IPCEF1: variants seen among roughly 807,000 people sequenced by gnomAD.
IPCEF1 encodes interaction protein for cytohesin exchange factors 1, also known as interactor protein for cytohesin exchange factors 1.
Under a neutral mutation model 50.9 loss-of-function variants are expected in IPCEF1, and 31 were observed. The ratio of observed to expected loss-of-function variants is 0.61; its 90% CI spans 0.46 to 0.82. IPCEF1 has a LOEUF of 0.82. Among genes scored for constraint, IPCEF1 ranks in the 40% least tolerant of loss-of-function variants. The pLI, the probability that IPCEF1 is intolerant of heterozygous loss-of-function variation, is 0.00. For synonymous variants in IPCEF1, 181 were observed against 192.0 expected (o/e 0.94, Z 0.47); for missense variants, 458 against 514.0 (o/e 0.89, Z 1.05).
chr6:154,345,408 A>T (rs1784008042), intron 1 of IPCEF1, among the ~76,000 whole-genome samples: 1 of 152,206 alleles, frequency 6.6e-6, no homozygotes, highest in South Asian at 2.1e-4. Context: ...TGTGTGTGTG[A>T]TGATATTGAC....
intron 1 of IPCEF1, among the ~76,000 whole-genome samples, chr6:154,320,405 A>G (rs1264318694): frequency 6.6e-6 from 1 of 152,186 alleles, no homozygotes; most frequent in African/African-American, 2.4e-5. Context: ...AAGAGATGAG[A>G]CTCAATGAGT....
intron 10 of IPCEF1, among the ~76,000 whole-genome samples, chr6:154,189,557 T>C (rs1248138886): frequency 6.6e-6 from 1 of 152,090 alleles, no homozygotes; most frequent in African/African-American, 2.4e-5. Context: ...TAGTTCAAGA[T>C]AGCTAGAAGA....
intron 1 of IPCEF1, among the ~76,000 whole-genome samples, chr6:154,340,824 G>A (rs1269091534): frequency 1.3e-5 from 2 of 151,312 alleles, no homozygotes; most frequent in African/African-American, 2.4e-5. Flanking sequence ...GGCAGAGGTT[G>A]CGGTGAGCAA....
chr6:154,341,248 T>C (rs575643150), intron 1 of IPCEF1, among the ~76,000 whole-genome samples: 1 of 152,286 alleles, frequency 6.6e-6, no homozygotes, highest in South Asian at 2.1e-4. Context: ...AGCTTAGTGA[T>C]TTTGGGGGCT....
chr6:154,316,496 T>C (rs1783221813), intron 1 of IPCEF1, among the ~76,000 whole-genome samples: 1 of 152,206 alleles, frequency 6.6e-6, no homozygotes, highest in Admixed American at 6.5e-5. Flanking sequence ...GAGAACATTA[T>C]GTTACATGAA....
At chr6:154,217,898 T>C (rs1457030509) in intron 7 of IPCEF1, among the ~76,000 whole-genome samples, 1 of 152,116 alleles carries the variant, frequency 6.6e-6, no homozygotes, top group Non-Finnish European at 1.5e-5. Context: ...CTCCCAAACA[T>C]GGAAATAGAG....
At chr6:154,169,011 C>T (rs558604830) in intron 10 of IPCEF1, among the ~76,000 whole-genome samples, 1 of 151,964 alleles carries the variant, frequency 6.6e-6, no homozygotes, top group African/African-American at 2.4e-5. Context: ...CTCATCCCAA[C>T]AACTCCAAAA....
Position 154,162,951 on chromosome 6 carries a change from C to T in IPCEF1, c.1105-2911G>A, listed in dbSNP as rs987942561. On this transcript the variant is annotated intron_variant, in intron 11 of 11. Transcript: ENST00000367220. ...AATGCACACCAAACCCGGTTCCTAC[C>T]GTAGTCTTCCACAAAGCACTTAATG... is the stretch of plus-strand genomic sequence containing the variant. Among the ~76,000 whole-genome samples, 5 of 152,200 alleles carry T rather than the reference C, an allele frequency of 3.3e-5. No homozygotes were observed. The South Asian group carries it at 8.3e-4, about 25-fold the overall frequency.
chr6:154,329,193 C>T (rs894116241), intron 1 of IPCEF1, among the ~76,000 whole-genome samples: 1 of 152,152 alleles, frequency 6.6e-6, no homozygotes, highest in African/African-American at 2.4e-5. Context: ...GGGAGAATCA[C>T]TTGAGGCCAG....
chr6:154,162,851 T>C (rs1313851722), intron 11 of IPCEF1, among the ~76,000 whole-genome samples: 1 of 152,186 alleles, frequency 6.6e-6, no homozygotes, highest in African/African-American at 2.4e-5. Context: ...CATCAACCCC[T>C]AAGAGGCATC....
intron 5 of IPCEF1, among the ~76,000 whole-genome samples, chr6:154,229,775 C>G (rs1190218970): frequency 6.6e-6 from 1 of 152,184 alleles, no homozygotes; most frequent in Non-Finnish European, 1.5e-5. Context: ...GCATGCAAAT[C>G]GTTATAACAG....
intron 2 of IPCEF1, among the ~76,000 whole-genome samples, chr6:154,283,075 C>T (rs1782264264): frequency 6.6e-6 from 1 of 151,896 alleles, no homozygotes. Context: ...GGGCGGATCA[C>T]CTGAGGTCAG....
rs150831176 is a variant in IPCEF1 at position 154,274,193 on chromosome 6, T to A, written c.-17-8229A>T. On this transcript the variant is annotated intron_variant, in intron 2 of 11. Transcript: ENST00000367220. ...GTCTTTTCCACTCATTTCGTTGCAT[T>A]TCTTTCCTGCCTTCTCTCCACTTTG... 8.2e-3 allele frequency among the ~76,000 whole-genome samples: 1,244 copies of A among 151,946 alleles called. 8 individuals are homozygous for A. The highest frequency in any genetic ancestry group is 0.014 in the Non-Finnish European group (920 of 68,024).
At chr6:154,312,918 T>C (rs1036561664) in intron 1 of IPCEF1, among the ~76,000 whole-genome samples, 1 of 151,814 alleles carries the variant, frequency 6.6e-6, no homozygotes, top group South Asian at 2.1e-4. Context: ...AAATAAAAAA[T>C]TTTTTAGAAC....
intron 1 of IPCEF1, among the ~76,000 whole-genome samples, chr6:154,338,614 C>T (rs1445106492): frequency 6.6e-6 from 1 of 152,150 alleles, no homozygotes; most frequent in African/African-American, 2.4e-5. Flanking sequence ...TAACTGTGGG[C>T]TGATAAACGT....
chr6:154,192,184 C>A (rs1417178439), intron 10 of IPCEF1, among the ~76,000 whole-genome samples: 1 of 152,152 alleles, frequency 6.6e-6, no homozygotes, highest in Non-Finnish European at 1.5e-5. Flanking sequence ...TAGATGATGA[C>A]AAATTGCTTT....
At chr6:154,235,652 A>G (rs1419514027) in intron 5 of IPCEF1, among the ~76,000 whole-genome samples, 1 of 152,194 alleles carries the variant, frequency 6.6e-6, no homozygotes, top group Non-Finnish European at 1.5e-5. Context: ...GGAACTTTCA[A>G]ATCTCTTCAA....
chr6:154,197,361 G>A (rs1396222916), intron 10 of IPCEF1, among the ~76,000 whole-genome samples: 3 of 152,148 alleles, frequency 2.0e-5, no homozygotes, highest in African/African-American at 2.4e-5. Flanking sequence ...TGTTTCCATA[G>A]AGATGACTTT....
intron 7 of IPCEF1, among the ~76,000 whole-genome samples, chr6:154,219,861 C>T (rs867372037): frequency 2.0e-5 from 3 of 152,182 alleles, no homozygotes; most frequent in African/African-American, 7.2e-5. Context: ...TAACACAGAG[C>T]TTCCCGACTT....
Sources: gnomAD v4.1 joint callset for allele counts (sites outside exome capture counted in the v4.1 genomes callset) on GRCh38, gnomAD v4.1.1 for gene constraint, MANE v1.5 for transcripts, NCBI Gene and HGNC (gene_info 2026-07-23, HGNC 2026-07-21) for gene names.